FBLN1: variants seen among roughly 807,000 people sequenced by gnomAD.
The protein encoded by FBLN1 is fibulin 1.
A neutral mutation model predicts 89.7 loss-of-function variants in FBLN1; 34 were observed. The ratio of observed to expected loss-of-function variants is 0.38; its 90% confidence interval spans 0.29 to 0.50. The LOEUF (loss-of-function observed/expected upper bound fraction) is 0.50. FBLN1 is among the 20% of genes least tolerant of loss of function. The pLI, the probability that FBLN1 is intolerant of heterozygous loss-of-function variation, is 0.92. For synonymous variants in FBLN1, 393 were observed against 391.3 expected, an observed-to-expected ratio of 1.00 and a Z score of -0.05; for missense variants, 777 against 988.1, an observed-to-expected ratio of 0.79 and a Z score of 2.86.
intron 1 of FBLN1, chr22:45,517,622 G>GTGCTC (rs1414540150): frequency 6.4e-6 from 3 of 471,082 alleles, no homozygotes; most frequent in Non-Finnish European, 1.3e-5. Context: ...TCCTGAACCT[G>GTGCTC]TGCTCTCTGC....
intron 1 of FBLN1, among the ~76,000 whole-genome samples, chr22:45,504,980 C>G (rs2087999015): frequency 6.6e-6 from 1 of 152,224 alleles, no homozygotes; most frequent in Non-Finnish European, 1.5e-5. Context: ...CCCCGAAGCC[C>G]TGTATGTAAG....
At chr22:45,558,509 C>T (rs999481796) in intron 14 of FBLN1, 2 of 162,758 alleles carry the variant, frequency 1.2e-5, no homozygotes, top group Admixed American at 6.3e-5. Flanking sequence ...TCCTTATCTG[C>T]CACTGACACC....
intron 12 of FBLN1, among the ~76,000 whole-genome samples, chr22:45,548,139 C>T (rs915997656): frequency 2.0e-5 from 3 of 152,198 alleles, no homozygotes; most frequent in Admixed American, 6.5e-5. Flanking sequence ...GCCTCCATCT[C>T]CTGGGATCTA....
chr22:45,593,428 A>G (rs1357490013), intron 16 of FBLN1, among the ~76,000 whole-genome samples: 2 of 152,122 alleles, frequency 1.3e-5, no homozygotes, highest in Non-Finnish European at 2.9e-5. Flanking sequence ...CAACAGGGAG[A>G]AAAAAAGTGC....
intron 2 of FBLN1, among the ~76,000 whole-genome samples, chr22:45,525,179 AAGAG>A (rs3074733): frequency 0.27 from 39,092 of 147,012 alleles, 5,417 homozygotes; most frequent in East Asian, 0.54. Context: ...GAAAGGGAGA[AAGAG>A]AGAGAGAGAG....
Position 45,554,211 on chromosome 22 carries a change from C to CCCTGCACCCGGAAGCGCAGTTCA in FBLN1, c.1697+3612_1697+3634dup, listed in dbSNP as rs756551354. ...GAAAGTCTGCTGCTTGCAGCCTGCT[C>CCCTGCACCCGGAAGCGCAGTTCA]CCTGCACCCGGAAGCGCAGTTCACC... On this transcript the variant is annotated intron_variant, in intron 14 of 16. Transcript: ENST00000327858. 1.1e-4 allele frequency among the ~76,000 whole-genome samples: 17 copies of CCCTGCACCCGGAAGCGCAGTTCA among 152,366 alleles called. No homozygotes were observed. The East Asian group carries it at 2.1e-3, about 19-fold the overall frequency.
At chr22:45,518,809 GT>G in intron 2 of FBLN1, 22 bp downstream of exon 2, 1 of 1,559,852 alleles carries the variant, frequency 6.4e-7, no homozygotes, top group Non-Finnish European at 8.8e-7. Context: ...AGTGGCCACT[GT>G]TTCACTGGAA....
At position 45,537,660 on chromosome 22, in the gene FBLN1, GC is replaced by G. The variant is rs1415148902; in HGVS notation, c.922+2326del. Among the ~76,000 whole-genome samples the G allele has an allele frequency of 2.0e-5, 3 of 151,482 alleles. No homozygotes were observed. The highest frequency in any genetic ancestry group is 4.4e-5 in the Non-Finnish European group (3 of 67,902). On this transcript the variant is annotated intron_variant, in intron 8 of 16. Coordinates refer to ENST00000327858, the MANE Select transcript of FBLN1 (RefSeq NM_006486.3). The surrounding 1 kb of genome is among the most constrained non-coding windows in gnomAD (Gnocchi z 5.7). ...GATAAAAAGACAAGTGGAACAGTGA[GC>G]CCTTAGGACAGGGGCCTCGTCTGAA...
intron 14 of FBLN1, among the ~76,000 whole-genome samples, chr22:45,567,004 A>G (rs2088906293): frequency 6.6e-6 from 1 of 152,256 alleles, no homozygotes; most frequent in Non-Finnish European, 1.5e-5. Flanking sequence ...AAGCAGTGCT[A>G]ATATCCCCAT....
In FBLN1 at chr22:45,541,365, C is replaced by T; in HGVS notation, c.1059C>T (p.Arg353=). ...ACCATCTCAACGAGGAGGGAACGCGCTGTGTTGGTTGGTATTAAGAAAACA... is the reference window on the plus strand; with the variant it reads ...ACCATCTCAACGAGGAGGGAACGCGTTGTGTTGGTTGGTATTAAGAAAACA... ...RGYHLNEEGT[R]CVDVDECAPP... is the part of the protein sequence containing the mutation. Residue 353 remains arginine (R), a synonymous_variant, in exon 9 of 17, where the codon CGC becomes CGT. Coordinates refer to ENST00000327858, the MANE Select transcript of FBLN1 (RefSeq NM_006486.3). The T allele has an allele frequency of 1.2e-6, 2 of 1,614,246 alleles. No homozygotes were observed. The highest frequency in any genetic ancestry group is 1.1e-5 in the South Asian group (1 of 91,086).
At chr22:45,515,836 G>A (rs1372755521) in intron 1 of FBLN1, among the ~76,000 whole-genome samples, 3 of 152,222 alleles carry the variant, frequency 2.0e-5, no homozygotes, top group Non-Finnish European at 2.9e-5. Flanking sequence ...GAGAGGCGGC[G>A]CTGCCTGCCC....
At chr22:45,553,700 T>C (rs1175785688) in intron 14 of FBLN1, among the ~76,000 whole-genome samples, 1 of 152,188 alleles carries the variant, frequency 6.6e-6, no homozygotes, top group Admixed American at 6.5e-5. Context: ...ACTCCTAGTG[T>C]AGAGAAGGTT....
chr22:45,565,320 AC>A (rs1226351651), intron 14 of FBLN1: 16 of 1,259,492 alleles, frequency 1.3e-5, no homozygotes, highest in Non-Finnish European at 1.6e-5. Context: ...GCCTCTGCCC[AC>A]CCTTTGAGCT....
Position 45,576,601 on chromosome 22 carries a change from C to G in FBLN1, c.1841-376C>G, listed in dbSNP as rs1251278229. ...CACTATAGATGGGAGAGGAGCCCAC[C>G]CCTCTGGCCTTTCTGCTGTCTCCCT... is the stretch of plus-strand genomic sequence containing the variant. On this transcript the variant is annotated intron_variant, in intron 15 of 16. Transcript: ENST00000327858. This position sits in a 1 kb window ranked among gnomAD's most constrained non-coding sequence, Gnocchi z 5.2. 6.6e-6 allele frequency among the ~76,000 whole-genome samples: 1 copy of G among 152,086 alleles called. No homozygotes were observed. The highest frequency in any genetic ancestry group is 1.5e-5 in the Non-Finnish European group (1 of 68,010).
intron 7 of FBLN1, among the ~76,000 whole-genome samples, chr22:45,534,344 GT>G (rs1259219031): frequency 1.6e-5 from 2 of 127,946 alleles, no homozygotes; most frequent in Non-Finnish European, 3.4e-5. Context: ...TCCCACAACT[GT>G]TTTTGCACAA....
Position 45,541,238 on chromosome 22 carries a change from A to T in FBLN1, c.932A>T (p.Glu311Val), listed in dbSNP as rs775219455. Residue 311 changes from glutamate to valine, a missense_variant, in exon 9 of 17, where the codon GAG (glutamate) becomes GTG (valine). By Grantham distance (121) the Glu-to-Val change is moderately radical. Transcript: ENST00000327858. The stretch of plus-strand genomic sequence containing the variant: ...TCTTTTCCCGCTGTAGATATCAATG[A>T]GTGTTTGAGTATCAGTGCCCCGTGC... ...DALGNCIDIN[E>V]CLSISAPCPI... is the part of the protein sequence containing the mutation. 1 of 1,614,214 alleles carries T rather than the reference A, an allele frequency of 6.2e-7. No homozygotes were observed.
In FBLN1 at chr22:45,563,010, C is replaced by T. The variant is rs200946785; in HGVS notation, c.1698-11501C>T. The T allele has an allele frequency of 6.0e-5, 97 of 1,613,480 alleles. No individual in the cohort carries two copies. The highest frequency in any genetic ancestry group is 1.6e-4 in the Middle Eastern group (1 of 6,084). On this transcript the variant is annotated intron_variant, in intron 14 of 16. Transcript: ENST00000327858. This position sits in a 1 kb window ranked among gnomAD's most constrained non-coding sequence, Gnocchi z 5.7. ...CTCTCTTTCCCCACCAACATCCAAGCGCCCGCGGTGGTTTTCCGCATGGGC... is the reference window on the plus strand; with the variant it reads ...CTCTCTTTCCCCACCAACATCCAAGTGCCCGCGGTGGTTTTCCGCATGGGC...
At chr22:45,571,674 T>C (rs1236380859) in intron 14 of FBLN1, among the ~76,000 whole-genome samples, 1 of 152,168 alleles carries the variant, frequency 6.6e-6, no homozygotes, top group African/African-American at 2.4e-5. Flanking sequence ...AGAGATTAAT[T>C]AAAAAACCAT....
At chr22:45,509,291 G>T (rs929892806) in intron 1 of FBLN1, among the ~76,000 whole-genome samples, 1 of 152,226 alleles carries the variant, frequency 6.6e-6, no homozygotes. Flanking sequence ...GGCCAGAGCT[G>T]CCTGGAGGGA....
Sources: gnomAD v4.1 joint callset for allele counts (sites outside exome capture counted in the v4.1 genomes callset) on GRCh38, gnomAD v4.1.1 for gene constraint, Gnocchi (gnomAD v3.1) non-coding constraint, MANE v1.5 for transcripts, NCBI Gene and HGNC (gene_info 2026-07-23, HGNC 2026-07-21) for gene names.